SPRED2: variants seen among roughly 807,000 people sequenced by gnomAD.
The protein encoded by SPRED2 is sprouty-related, EVH1 domain-containing protein 2.
SPRED2 carries 47 observed loss-of-function variants against 43.0 expected under a neutral mutation model. That is an observed-to-expected ratio of 1.09 (90% confidence interval 0.87 to 1.40). SPRED2 has a LOEUF of 1.40. SPRED2 is among the 40% of genes most tolerant of loss of function. The pLI is 0.00. For missense variants in SPRED2, 561 were observed against 586.4 expected (o/e 0.96, Z 0.45); for synonymous variants, 225 against 225.7 (o/e 1.00, Z 0.03).
chr2:65,363,015 T>G (rs77236279), intron 1 of SPRED2, among the ~76,000 whole-genome samples: 61,097 of 138,548 alleles, frequency 0.44, 14,013 homozygotes, highest in East Asian at 0.76. Flanking sequence ...GTTTTTTTTT[T>G]TTTTTTTTTT....
intron 4 of SPRED2, among the ~76,000 whole-genome samples, chr2:65,322,290 A>ATATATATC (rs1553415723): frequency 1.3e-5 from 1 of 78,992 alleles, no homozygotes; most frequent in African/African-American, 6.1e-5. Context: ...ATATATATAT[A>ATATATATC]TATATTTTTT....
Position 65,426,558 on chromosome 2 carries a change from G to A in SPRED2, c.26+5404C>T, listed in dbSNP as rs564276343. Among the ~76,000 whole-genome samples the A allele has an allele frequency of 2.2e-4, 33 of 152,266 alleles. No homozygotes were observed. In the South Asian group the frequency reaches 5.2e-3, roughly 24 times the overall value. ...CTTGAAATAATAATTGCCATGTAAT[G>A]TAGGGAAAAAAATAATACACACAGA... On this transcript the variant is annotated intron_variant, in intron 1 of 5. Transcript: ENST00000356388.
intron 1 of SPRED2, among the ~76,000 whole-genome samples, chr2:65,347,890 C>G (rs902516300): frequency 8.5e-5 from 13 of 152,162 alleles, no homozygotes; most frequent in African/African-American, 3.1e-4. Flanking sequence ...CTGACACTGA[C>G]CTGATCCAGC....
chr2:65,322,067 G>A (rs974355011), intron 4 of SPRED2, among the ~76,000 whole-genome samples: 2 of 151,650 alleles, frequency 1.3e-5, no homozygotes, highest in African/African-American at 2.4e-5. Context: ...GAGCTACCAC[G>A]CCTGGCCTAA....
intron 1 of SPRED2, among the ~76,000 whole-genome samples, chr2:65,407,544 C>T (rs1676054718): frequency 6.6e-6 from 1 of 152,140 alleles, no homozygotes; most frequent in African/African-American, 2.4e-5. Context: ...GTGGGAAGTG[C>T]TGCCAACTTA....
At chr2:65,318,447 T>C (rs1349340462) in intron 4 of SPRED2, among the ~76,000 whole-genome samples, 5 of 151,614 alleles carry the variant, frequency 3.3e-5, no homozygotes, top group African/African-American at 1.2e-4. Flanking sequence ...CTGGCAACCA[T>C]CTTTAAAACC....
intron 1 of SPRED2, among the ~76,000 whole-genome samples, chr2:65,409,135 G>T (rs1259445976): frequency 1.3e-5 from 2 of 152,158 alleles, no homozygotes; most frequent in Admixed American, 6.5e-5. Context: ...TTTTTGAAAG[G>T]TTCAGGTAAT....
At chr2:65,308,560 T>C (rs181370352), downstream of SPRED2, 6,899 of 985,442 alleles carry the variant, frequency 7.0e-3, 39 homozygotes, top group Admixed American at 9.8e-3. Context: ...GAGTTCCTGA[T>C]GTTTCCTCAG....
Position 65,328,387 on chromosome 2 carries a change from C to A in SPRED2, c.438+3600G>T, listed in dbSNP as rs536367977. On this transcript the variant is annotated intron_variant, in intron 4 of 5. Coordinates refer to ENST00000356388, the MANE Select transcript of SPRED2 (RefSeq NM_181784.3). Reference sequence around the variant, plus strand: ...TGGATAACGATTTCCTTTTCTTAAGCTTCTCTGAAAGGCAGCAAGCAGTTT... The same window carrying A: ...TGGATAACGATTTCCTTTTCTTAAGATTCTCTGAAAGGCAGCAAGCAGTTT... 4.6e-5 allele frequency among the ~76,000 whole-genome samples: 7 copies of A among 152,332 alleles called. No individual in the cohort carries two copies. The East Asian group carries it at 1.2e-3, about 25-fold the overall frequency.
At chr2:65,357,824 A>T (rs189349013) in intron 1 of SPRED2, among the ~76,000 whole-genome samples, 29 of 152,298 alleles carry the variant, frequency 1.9e-4, no homozygotes, top group Middle Eastern at 3.4e-3. Context: ...AGGTGACCTA[A>T]CCTGACCTAA....
rs369371372 is a variant in SPRED2 at position 65,316,858 on chromosome 2, G to A, written c.464C>T (p.Ser155Phe). The A allele has an allele frequency of 7.0e-5, 113 of 1,613,792 alleles. No homozygotes were observed. Among genetic ancestry groups the A allele is most frequent in the Non-Finnish European group, 9.2e-5 (109 of 1,179,988 alleles). ...AGTAGGTTGCTCTCTCTTCTGAGAG[G>A]AATTAGAAGAACTGTCTGTAGCTGT... ...FTTATDSSSN[S>F]SQKREQPTRT... Residue 155 changes from serine (S) to phenylalanine (F), a missense_variant, in exon 5 of 6, where the codon TCC becomes TTC. By Grantham distance (155) the Ser-to-Phe change is radical (BLOSUM62 -2). Around this residue, in one of 6 missense-constraint regions of SPRED2, gnomAD observed 305 missense variants for 282.4 expected, o/e 1.08. Coordinates refer to ENST00000356388, the MANE Select transcript of SPRED2 (RefSeq NM_181784.3).
chr2:65,431,278 G>A (rs1676682411), intron 1 of SPRED2, among the ~76,000 whole-genome samples: 1 of 151,424 alleles, frequency 6.6e-6, no homozygotes, highest in East Asian at 2.0e-4. Flanking sequence ...CACACGCCTC[G>A]GTCCGCCCCG....
At chr2:65,389,898 T>C (rs1010943601) in intron 1 of SPRED2, among the ~76,000 whole-genome samples, 4 of 152,094 alleles carry the variant, frequency 2.6e-5, no homozygotes, top group African/African-American at 9.7e-5. Flanking sequence ...GTAAAGCAAG[T>C]TTGTTGAAGA....
intron 4 of SPRED2, among the ~76,000 whole-genome samples, chr2:65,330,142 T>C (rs1673767440): frequency 6.6e-6 from 1 of 152,228 alleles, no homozygotes; most frequent in African/African-American, 2.4e-5. Flanking sequence ...TGTAAGCCTC[T>C]CATGGGTCAG....
chr2:65,381,947 T>C (rs17030233), intron 1 of SPRED2, among the ~76,000 whole-genome samples: 1 of 152,198 alleles, frequency 6.6e-6, no homozygotes, highest in Non-Finnish European at 1.5e-5. Flanking sequence ...TCTGCACTTC[T>C]GTACTTCTCA....
At chr2:65,364,897 T>G (rs888038271) in intron 1 of SPRED2, among the ~76,000 whole-genome samples, 1 of 152,212 alleles carries the variant, frequency 6.6e-6, no homozygotes, top group African/African-American at 2.4e-5. Flanking sequence ...GAACCCTAAG[T>G]TGAGTGTGGC....
intron 1 of SPRED2, among the ~76,000 whole-genome samples, chr2:65,358,365 C>A (rs1245958760): frequency 6.6e-6 from 1 of 152,154 alleles, no homozygotes. Context: ...TTCTCTTTAG[C>A]CACATGGAAG....
chr2:65,368,572 A>G (rs1675042062), intron 1 of SPRED2, among the ~76,000 whole-genome samples: 1 of 152,234 alleles, frequency 6.6e-6, no homozygotes, highest in Non-Finnish European at 1.5e-5. Context: ...GTAATGAAAA[A>G]TACAAAAATA....
intron 1 of SPRED2, among the ~76,000 whole-genome samples, chr2:65,360,403 T>G (rs114364681): frequency 0.019 from 2,918 of 152,372 alleles, 86 homozygotes; most frequent in African/African-American, 0.066. Context: ...ATGGAAGCTC[T>G]TGTGTTAACT....
Sources: gnomAD v4.1 joint callset for allele counts (sites outside exome capture counted in the v4.1 genomes callset) on GRCh38, gnomAD v4.1.1 for gene constraint, gnomAD v4.1.1 regional missense constraint, MANE v1.5 for transcripts, NCBI Gene and HGNC (gene_info 2026-07-23, HGNC 2026-07-21) for gene names.